Variants in H4C16 observed in about 807,000 individuals in gnomAD.
H4C16 encodes H4 histone 16.
At chr12:14,771,102 T>A in the H4C16 span, 1 of 1,569,076 alleles carries the variant, frequency 6.4e-7, no homozygotes, top group East Asian at 2.3e-5. Flanking sequence ...TCACAGCGCC[T>A]ACTCAGCAGA....
chr12:14,770,927 T>C, the H4C16 span: 1 of 1,614,200 alleles, frequency 6.2e-7, no homozygotes, highest in Non-Finnish European at 8.5e-7. Flanking sequence ...CCGGGTCTCC[T>C]CGTAGATGAG....
At chr12:14,771,084 T>A in the H4C16 span, 14 of 1,586,576 alleles carry the variant, frequency 8.8e-6, no homozygotes, top group Non-Finnish European at 1.1e-5. Context: ...CGCCCAGACA[T>A]TCTGAAATCA....
chr12:14,770,795 G>A, the H4C16 span: 1 of 1,613,506 alleles, frequency 6.2e-7, no homozygotes, highest in Non-Finnish European at 8.5e-7. Flanking sequence ...ACCATAAAGG[G>A]TGCGACCCTG....
the H4C16 span, chr12:14,770,981 A>G: frequency 6.2e-7 from 1 of 1,614,208 alleles, no homozygotes; most frequent in Non-Finnish European, 8.5e-7. Flanking sequence ...GAGACGGCGA[A>G]TCGCCGGCTT....
the H4C16 span, chr12:14,770,788 A>G: frequency 1.5e-4 from 235 of 1,612,798 alleles, no homozygotes; most frequent in East Asian, 5.1e-3. Context: ...CGCCGAAACC[A>G]TAAAGGGTGC....
At chr12:14,771,013 C>A in the H4C16 span, 1 of 1,614,128 alleles carries the variant, frequency 6.2e-7, no homozygotes, top group Non-Finnish European at 8.5e-7. Context: ...GGATATTGTC[C>A]CGCAGCACCT....
chr12:14,770,783 A>G, the H4C16 span: 4 of 1,611,390 alleles, frequency 2.5e-6, no homozygotes, highest in Admixed American at 6.7e-5. Flanking sequence ...TCAACCGCCG[A>G]AACCATAAAG....
the H4C16 span, chr12:14,771,108 G>C: frequency 1.9e-6 from 3 of 1,563,410 alleles, no homozygotes; most frequent in South Asian, 2.4e-5. Context: ...CGCCTACTCA[G>C]CAGAAAATCG....
At chr12:14,770,884 G>A in the H4C16 span, 2 of 1,614,206 alleles carry the variant, frequency 1.2e-6, no homozygotes, top group African/African-American at 2.7e-5. Flanking sequence ...CCGCGTCACG[G>A]ATCACGTTCT....
At chr12:14,770,876 G>GCGT in the H4C16 span, 1 of 1,614,162 alleles carries the variant, frequency 6.2e-7, no homozygotes, top group Non-Finnish European at 8.5e-7. Context: ...GTAAGTCACC[G>GCGT]CGTCACGGAT....
chr12:14,770,863 C>T, the H4C16 span: 2 of 1,614,080 alleles, frequency 1.2e-6, no homozygotes, highest in Non-Finnish European at 1.7e-6. Flanking sequence ...TGGCGTGCTC[C>T]GTGTAAGTCA....
chr12:14,770,953 G>C, the H4C16 span: 1 of 1,614,240 alleles, frequency 6.2e-7, no homozygotes, highest in African/African-American at 1.3e-5. Flanking sequence ...AAATGCGCTT[G>C]ACGCCCCCAC....
the H4C16 span, chr12:14,771,086 C>A: frequency 6.3e-7 from 1 of 1,586,088 alleles, no homozygotes. Flanking sequence ...CCCAGACATT[C>A]TGAAATCACA....
At chr12:14,770,799 G>C in the H4C16 span, 1 of 1,613,778 alleles carries the variant, frequency 6.2e-7, no homozygotes, top group East Asian at 2.2e-5. Context: ...TAAAGGGTGC[G>C]ACCCTGGCGT....
chr12:14,771,077 C>T, the H4C16 span: 11 of 1,590,472 alleles, frequency 6.9e-6, no homozygotes, highest in Admixed American at 1.4e-4. Flanking sequence ...TTTACCTCGC[C>T]CAGACATTCT....
At chr12:14,771,094 A>G in the H4C16 span, 313,577 of 1,577,612 alleles carry the variant, frequency 0.2, 32,669 homozygotes, top group African/African-American at 0.25. Flanking sequence ...TTCTGAAATC[A>G]CAGCGCCTAC....
At chr12:14,771,007 A>G in the H4C16 span, 1 of 1,614,024 alleles carries the variant, frequency 6.2e-7, no homozygotes, top group Non-Finnish European at 8.5e-7. Context: ...TGCCTTGGAT[A>G]TTGTCCCGCA....
chr12:14,771,016 C>T, the H4C16 span: 2 of 1,614,010 alleles, frequency 1.2e-6, no homozygotes. Context: ...TATTGTCCCG[C>T]AGCACCTTCC....
the H4C16 span, chr12:14,770,730 G>A: frequency 1.9e-6 from 3 of 1,541,056 alleles, no homozygotes; most frequent in Non-Finnish European, 1.7e-6. Context: ...TGGGGGCCCT[G>A]AAAAGGGCCT....
Sources: gnomAD v4.1 joint callset for allele counts on GRCh38, gnomAD v4.1.1 for gene constraint, MANE v1.5 for transcripts, NCBI Gene and HGNC (gene_info 2026-07-23, HGNC 2026-07-21) for gene names.